CDKAL1: variants seen among roughly 807,000 people sequenced by gnomAD.
CDKAL1 encodes the protein threonylcarbamoyladenosine tRNA methylthiotransferase.
In CDKAL1, 32 loss-of-function variants were observed where a neutral mutation model predicts 68.2. That is an observed-to-expected ratio of 0.47 (90% CI 0.35 to 0.63). The LOEUF (loss-of-function observed/expected upper bound fraction) is 0.63, where lower values mean the gene tolerates loss of function less well. Ranked by LOEUF, CDKAL1 falls within the 30% of genes least tolerant of loss-of-function variation. The pLI is 0.00. For synonymous variants in CDKAL1, 234 were observed against 244.3 expected (o/e 0.96, Z 0.39); for missense variants, 606 against 696.7 (o/e 0.87, Z 1.47).
intron 9 of CDKAL1, among the ~76,000 whole-genome samples, chr6:20,922,576 G>A (rs966365118): frequency 6.6e-6 from 1 of 152,188 alleles, no homozygotes; most frequent in Non-Finnish European, 1.5e-5. Context: ...AATGGGAAAG[G>A]TAAACTGAGG....
intron 4 of CDKAL1, among the ~76,000 whole-genome samples, chr6:20,642,302 A>C (rs1349088685): frequency 6.6e-6 from 1 of 152,138 alleles, no homozygotes; most frequent in Non-Finnish European, 1.5e-5. Flanking sequence ...AAGAAACGAT[A>C]AAAAAGTAAA....
intron 13 of CDKAL1, among the ~76,000 whole-genome samples, chr6:21,156,143 G>A (rs1360570039): frequency 6.6e-6 from 1 of 152,032 alleles, no homozygotes; most frequent in Non-Finnish European, 1.5e-5. Flanking sequence ...AGACTGAGCG[G>A]GGCATGGTGG....
chr6:20,914,939 A>G (rs965491194), intron 9 of CDKAL1, among the ~76,000 whole-genome samples: 3 of 152,148 alleles, frequency 2.0e-5, no homozygotes, highest in Non-Finnish European at 2.9e-5. Flanking sequence ...TTAGTTTACT[A>G]TGGTGGGTAT....
chr6:20,635,599 A>G (rs1767869966), intron 4 of CDKAL1, among the ~76,000 whole-genome samples: 1 of 152,216 alleles, frequency 6.6e-6, no homozygotes, highest in Non-Finnish European at 1.5e-5. Flanking sequence ...CGGTTACTCA[A>G]AAAGTTTCAG....
At chr6:20,670,107 A>G (rs1263158917) in intron 5 of CDKAL1, among the ~76,000 whole-genome samples, 2 of 152,176 alleles carry the variant, frequency 1.3e-5, no homozygotes, top group African/African-American at 4.8e-5. Flanking sequence ...TCTACAATAT[A>G]TTTACATTAT....
intron 5 of CDKAL1, among the ~76,000 whole-genome samples, chr6:20,682,165 G>A (rs1400956908): frequency 6.6e-6 from 1 of 152,158 alleles, no homozygotes; most frequent in African/African-American, 2.4e-5. Context: ...GGGGACACAA[G>A]CATTCAGACA....
chr6:20,811,109 T>C (rs1247871276), intron 8 of CDKAL1, among the ~76,000 whole-genome samples: 1 of 152,194 alleles, frequency 6.6e-6, no homozygotes, highest in East Asian at 1.9e-4. Flanking sequence ...AGCTCTTTTC[T>C]CATCTAAATA....
intron 8 of CDKAL1, among the ~76,000 whole-genome samples, chr6:20,815,222 A>T (rs10946411): frequency 2.0e-5 from 3 of 152,176 alleles, no homozygotes; most frequent in Non-Finnish European, 4.4e-5. Context: ...CTTTTAAAAA[A>T]TTTTTTGTCA....
intron 9 of CDKAL1, among the ~76,000 whole-genome samples, chr6:20,862,496 A>G (rs1759683034): frequency 6.6e-6 from 1 of 152,212 alleles, no homozygotes; most frequent in African/African-American, 2.4e-5. Context: ...TACTTGGAAA[A>G]TGCTTAATAA....
intron 12 of CDKAL1, among the ~76,000 whole-genome samples, chr6:21,097,512 T>C (rs1773376675): frequency 1.3e-5 from 2 of 151,422 alleles, no homozygotes; most frequent in Non-Finnish European, 2.9e-5. Context: ...AAAAACCTAG[T>C]GCCTAATATA....
chr6:20,929,141 G>A (rs1763313544), intron 9 of CDKAL1, among the ~76,000 whole-genome samples: 1 of 152,176 alleles, frequency 6.6e-6, no homozygotes, highest in African/African-American at 2.4e-5. Flanking sequence ...GTTCCAGACA[G>A]TATGGAAGGA....
chr6:20,664,865 G>C (rs1182148938), intron 5 of CDKAL1, among the ~76,000 whole-genome samples: 1 of 152,098 alleles, frequency 6.6e-6, no homozygotes, highest in Non-Finnish European at 1.5e-5. Context: ...TGGGTGGCTT[G>C]AGGGGTATAC....
Position 20,664,397 on chromosome 6 carries a change from T to A in CDKAL1, c.371+15020T>A, listed in dbSNP as rs56907925. Among the ~76,000 whole-genome samples, 328 of 152,300 alleles carry A rather than the reference T, an allele frequency of 2.2e-3. 2 individuals are homozygous for A. Among genetic ancestry groups the A allele is most frequent in the African/African-American group, 7.6e-3 (314 of 41,580 alleles). The stretch of plus-strand genomic sequence containing the variant: ...TCATCCTTTGTGCCAACCAACAATT[T>A]GCTTTCCAGCTCATAAATTTCGTTT... On this transcript the variant is annotated intron_variant, in intron 5 of 15. Coordinates refer to ENST00000274695, the MANE Select transcript of CDKAL1 (RefSeq NM_017774.3).
rs59244637 is a variant in CDKAL1, at chr6:20,750,951, GAAAAAAAAAAAAAAAAAAAAAAA to G, written c.469-7632_469-7610del. 1.1e-4 allele frequency among the ~76,000 whole-genome samples: 5 copies of G among 47,082 alleles called. No individual in the cohort carries two copies. In the East Asian group the frequency reaches 2.3e-3, roughly 22 times the overall value. The allele number at this position is 47,082 out of a possible 152,430, so 30.9% of individuals were successfully genotyped here. A position where few individuals can be genotyped will look rare whatever the true frequency, so the allele number is the denominator to read the frequency against. ...TGCACTCCAGGCTGAGCAACAGAGTGAAAAAAAAAAAAAAAAAAAAAAAAAAAAAAAAAAGAAGTAACAGTACT... is the reference window on the plus strand; with the variant it reads ...TGCACTCCAGGCTGAGCAACAGAGTGAAAAAAAAAAAGAAGTAACAGTACT... On this transcript the variant is annotated intron_variant, in intron 6 of 15. Coordinates refer to ENST00000274695, the MANE Select transcript of CDKAL1 (RefSeq NM_017774.3).
At chr6:20,804,439 T>C (rs1034670176) in intron 8 of CDKAL1, among the ~76,000 whole-genome samples, 2 of 152,232 alleles carry the variant, frequency 1.3e-5, no homozygotes, top group African/African-American at 4.8e-5. Context: ...TTGCTTTTGT[T>C]AGAACAGCTT....
intron 10 of CDKAL1, among the ~76,000 whole-genome samples, chr6:20,963,518 G>A (rs1292962383): frequency 6.6e-6 from 1 of 152,168 alleles, no homozygotes; most frequent in Non-Finnish European, 1.5e-5. Context: ...GTAATGTTAA[G>A]TCTGGGTGAG....
chr6:21,084,542 A>T (rs1212359543), intron 12 of CDKAL1, among the ~76,000 whole-genome samples: 1 of 152,206 alleles, frequency 6.6e-6, no homozygotes, highest in East Asian at 1.9e-4. Flanking sequence ...GACTTACCAA[A>T]TCTGCCTGGG....
intron 7 of CDKAL1, among the ~76,000 whole-genome samples, chr6:20,770,400 G>T (rs917181618): frequency 6.6e-6 from 1 of 152,134 alleles, no homozygotes; most frequent in African/African-American, 2.4e-5. Flanking sequence ...AGTTTTTACT[G>T]TCAAATGGTT....
chr6:20,609,182 G>T (rs1581811712), intron 4 of CDKAL1, among the ~76,000 whole-genome samples: 1 of 151,966 alleles, frequency 6.6e-6, no homozygotes, highest in East Asian at 1.9e-4. Context: ...TGTATTTTTC[G>T]ATTTCCACCT....
Sources: gnomAD v4.1 joint callset for allele counts (sites outside exome capture counted in the v4.1 genomes callset) on GRCh38, gnomAD v4.1.1 for gene constraint, MANE v1.5 for transcripts, NCBI Gene and HGNC (gene_info 2026-07-23, HGNC 2026-07-21) for gene names.